The following GUCD1 variants were observed in gnomAD, a reference collection of about 807,000 sequenced individuals.
GUCD1 encodes the protein guanylyl cyclase domain containing 1.
GUCD1 carries 17 observed loss-of-function variants against 28.3 expected under a neutral mutation model. The ratio of observed to expected loss-of-function variants is 0.60; its 90% CI spans 0.41 to 0.90. The LOEUF (loss-of-function observed/expected upper bound fraction) is 0.90, where lower values mean the gene tolerates loss of function less well. Among genes scored for constraint, GUCD1 ranks in the 40% least tolerant of loss-of-function variants. GUCD1 has a pLI of 0.00. For synonymous variants in GUCD1, 129 were observed against 123.3 expected (o/e 1.05, Z -0.30); for missense variants, 279 against 305.5 (o/e 0.91, Z 0.65).
At chr22:24,553,083 C>G (rs1428278575) in intron 1 of GUCD1, among the ~76,000 whole-genome samples, 1 of 152,240 alleles carries the variant, frequency 6.6e-6, no homozygotes, top group African/African-American at 2.4e-5. Flanking sequence ...TGGGAGAGCT[C>G]TATGCAGGAT....
intron 1 of GUCD1, among the ~76,000 whole-genome samples, chr22:24,553,649 G>GGGCTATCTTCTGCCA (rs2044941915): frequency 6.6e-6 from 1 of 152,298 alleles, no homozygotes; most frequent in African/African-American, 2.4e-5. Context: ...CTGACTAGCT[G>GGGCTATCTTCTGCCA]GGCTATCTTC....
rs1379224052 is a variant in GUCD1, at chr22:24,543,855, T to C, written c.615A>G (p.Pro205=). Residue 205 remains proline (P), a synonymous_variant, in exon 5 of 6, where the codon CCA becomes CCG. Coordinates refer to ENST00000435822, the MANE Select transcript of GUCD1 (RefSeq NM_001284254.2). ...CCCAGCACTCACGGTCGGCATAGGC[T>C]GGGTTGTTGTAGAAGATGCAGCCAG... ...RATGCIFYNN[P]AYADRMCSTS... 1.9e-6 allele frequency: 3 copies of C among 1,613,770 alleles called. No homozygotes were observed. Among genetic ancestry groups the C allele is most frequent in the Non-Finnish European group, 1.7e-6 (2 of 1,179,888 alleles).
intron 4 of GUCD1, 72 bp from the exon 5 acceptor site, chr22:24,544,155 G>A (rs2044666967): frequency 1.3e-6 from 2 of 1,556,388 alleles, no homozygotes; most frequent in South Asian, 1.2e-5. Flanking sequence ...ATCCCTGCTT[G>A]TGCCTGTTTC....
intron 1 of GUCD1, among the ~76,000 whole-genome samples, chr22:24,554,501 A>T (rs534684236): frequency 6.6e-6 from 1 of 152,344 alleles, no homozygotes; most frequent in African/African-American, 2.4e-5. Flanking sequence ...CGGCCAAGAC[A>T]TTGAATACCA....
intron 1 of GUCD1, among the ~76,000 whole-genome samples, chr22:24,549,913 G>A (rs371940624): frequency 2.0e-5 from 3 of 152,354 alleles, no homozygotes; most frequent in Non-Finnish European, 4.4e-5. Context: ...GGCCCCTGGA[G>A]GTTTGCTTGA....
upstream of GUCD1, chr22:24,555,718 C>A: frequency 6.4e-7 from 1 of 1,550,684 alleles, no homozygotes; most frequent in Non-Finnish European, 8.7e-7. Context: ...CGCGTCTCCG[C>A]CTTGCCGTCC....
chr22:24,544,042 C>T lies in GUCD1; in HGVS notation c.428G>A (p.Gly143Asp). Residue 143 changes from glycine (G) to aspartate (D), a missense_variant, in exon 5 of 6, where the codon GGC (glycine) becomes GAC (aspartate). Transcript: ENST00000435822. Reference sequence around the variant, plus strand: ...GTTCACCAGCACGATGGCCACATGGCCCTGAGCCAGGTGCGCCTGGATGTC... The same window carrying T: ...GTTCACCAGCACGATGGCCACATGGTCCTGAGCCAGGTGCGCCTGGATGTC... ...VKDIQAHLAQ[G>D]HVAIVLVNSG... is the part of the protein sequence containing the mutation. The T allele has an allele frequency of 6.2e-7, 1 of 1,613,984 alleles. No individual in the cohort carries two copies. The highest frequency in any genetic ancestry group is 1.1e-5 in the South Asian group (1 of 91,088).
At chr22:24,544,880 C>T (rs1019187600) in intron 4 of GUCD1, among the ~76,000 whole-genome samples, 1 of 152,006 alleles carries the variant, frequency 6.6e-6, no homozygotes, top group African/African-American at 2.4e-5. Flanking sequence ...AGGCGTGGGG[C>T]GTGGTGGTAT....
At chr22:24,555,230 AG>A, upstream of GUCD1, 1 of 1,297,502 alleles carries the variant, frequency 7.7e-7, no homozygotes, top group Non-Finnish European at 9.7e-7. Context: ...TTGATCTTAG[AG>A]GTCCCCAGCC....
chr22:24,549,036 G>A, intron 1 of GUCD1, 35 bp from the exon 2 acceptor site: 1 of 1,469,236 alleles, frequency 6.8e-7, no homozygotes, highest in East Asian at 2.4e-5. Flanking sequence ...CAGACCCTCA[G>A]CGCAGAGCCC....
Position 24,542,774 on chromosome 22 carries a change from G to C in GUCD1, c.*232C>G, listed in dbSNP as rs1601531468. ...TGGAGTCAAGGCTTGGGGTCTTGGG[G>C]TATGCTTCCAGCAGCCAGCAGGTGC... On this transcript the variant is annotated 3_prime_UTR_variant, in exon 6 of 6. Transcript: ENST00000435822. The C allele has an allele frequency of 2.0e-6, 1 of 494,228 alleles. No homozygotes were observed. The highest frequency in any genetic ancestry group is 3.3e-5 in the Admixed American group (1 of 30,512). 30.6% of individuals were successfully genotyped at this position (494,228 alleles called of 1,614,324 possible).
In GUCD1 at chr22:24,548,942, G is replaced by A; in HGVS notation, c.103C>T (p.Leu35=). ...IQQLYHWDCG[L]ACSRMVLRYL... Reference sequence around the variant, plus strand: ...CGCAGCACCATCCTGGAGCAGGCCAGGCCACAGTCCCAGTGGTAGAGCTGC... The same window carrying A: ...CGCAGCACCATCCTGGAGCAGGCCAAGCCACAGTCCCAGTGGTAGAGCTGC... The change falls in exon 2 of 6, where the codon CTG becomes TTG. Residue 35 remains leucine (L), a synonymous_variant. Coordinates refer to ENST00000435822, the MANE Select transcript of GUCD1 (RefSeq NM_001284254.2). 2 of 1,584,376 alleles carry A rather than the reference G, an allele frequency of 1.3e-6. No individual in the cohort carries two copies. The highest frequency in any genetic ancestry group is 1.7e-6 in the Non-Finnish European group (2 of 1,165,064).
At chr22:24,544,150 T>TG in intron 4 of GUCD1, 67 bp from the exon 5 acceptor site, 1 of 1,559,320 alleles carries the variant, frequency 6.4e-7, no homozygotes. Flanking sequence ...AATGGATCCC[T>TG]GCTTGTGCCT....
intron 1 of GUCD1, among the ~76,000 whole-genome samples, chr22:24,554,290 T>A (rs1349223447): frequency 2.0e-5 from 3 of 152,004 alleles, no homozygotes; most frequent in Non-Finnish European, 2.9e-5. Flanking sequence ...CCCCACCAAC[T>A]CCACACAGCA....
upstream of GUCD1, chr22:24,555,578 G>T (rs747082658): frequency 2.3e-5 from 36 of 1,544,414 alleles, 1 homozygote; most frequent in Non-Finnish European, 4.4e-6. Context: ...AACTTTATCC[G>T]TACCAGATAC....
chr22:24,549,986 A>G (rs918647933), intron 1 of GUCD1, among the ~76,000 whole-genome samples: 7 of 152,220 alleles, frequency 4.6e-5, no homozygotes, highest in African/African-American at 1.7e-4. Context: ...ACTGTCACGT[A>G]AGCTATGAAG....
intron 1 of GUCD1, among the ~76,000 whole-genome samples, chr22:24,550,596 G>A (rs2044846216): frequency 6.6e-6 from 1 of 152,224 alleles, no homozygotes; most frequent in Admixed American, 6.5e-5. Flanking sequence ...CCTGGACTGT[G>A]TGACCAGCTC....
intron 5 of GUCD1, 45 bp from the exon 6 acceptor site, chr22:24,543,142 A>C: frequency 7.2e-7 from 1 of 1,385,872 alleles, no homozygotes; most frequent in Non-Finnish European, 1.0e-6. Flanking sequence ...GGGTTGTGAG[A>C]GAGCACCTAC....
intron 1 of GUCD1, 100 bp downstream of exon 1, chr22:24,554,849 G>A (rs1208767247): frequency 1.1e-6 from 1 of 886,418 alleles, no homozygotes; most frequent in African/African-American, 1.8e-5. Flanking sequence ...GGGGCGAGGC[G>A]GGAGTCGGCC....
Sources: allele counts gnomAD v4.1 joint callset (sites outside exome capture counted in the v4.1 genomes callset), GRCh38; gene constraint gnomAD v4.1.1; transcripts MANE v1.5; gene names NCBI Gene and HGNC (gene_info 2026-07-23, HGNC 2026-07-21).